CHRNA7: variants seen among roughly 807,000 people sequenced by gnomAD.
CHRNA7 encodes the protein cholinergic receptor nicotinic alpha 7 subunit.
In CHRNA7, 17 loss-of-function variants were observed where a neutral mutation model predicts 48.0. That is an observed-to-expected ratio of 0.35 (90% CI 0.24 to 0.53). CHRNA7 has a LOEUF of 0.53. CHRNA7 is among the 20% of genes least tolerant of loss of function. The pLI is 0.92. For synonymous variants in CHRNA7, 75 were observed against 242.3 expected, an observed-to-expected ratio of 0.31 and a Z score of 6.41; for missense variants, 155 against 577.7, an observed-to-expected ratio of 0.27 and a Z score of 7.50.
At chr15:32,101,703 T>C in intron 3 of CHRNA7, 1 of 211,634 alleles carries the variant, frequency 4.7e-6, no homozygotes, top group Non-Finnish European at 9.2e-6. Flanking sequence ...CCCTGCCCTC[T>C]GTGGCCTCCG....
chr15:32,031,567 T>G (rs938893388), intron 2 of CHRNA7, among the ~76,000 whole-genome samples: 3 of 152,222 alleles, frequency 2.0e-5, no homozygotes, highest in Non-Finnish European at 4.4e-5. Flanking sequence ...ATCTTAGGAA[T>G]GGGCATGCTT....
chr15:32,045,456 A>G (rs2049523595), intron 2 of CHRNA7, among the ~76,000 whole-genome samples: 1 of 152,168 alleles, frequency 6.6e-6, no homozygotes, highest in Non-Finnish European at 1.5e-5. Context: ...AGTCCCTTTA[A>G]GCGCTGGTTT....
At chr15:32,130,221 C>T (rs1304416663) in intron 4 of CHRNA7, among the ~76,000 whole-genome samples, 4 of 151,876 alleles carry the variant, frequency 2.6e-5, no homozygotes, top group East Asian at 1.9e-4. Context: ...CTTTTATATC[C>T]TTGCTGATTT....
intron 2 of CHRNA7, among the ~76,000 whole-genome samples, chr15:32,059,492 T>A (rs1595397319): frequency 6.6e-6 from 1 of 152,142 alleles, no homozygotes; most frequent in East Asian, 1.9e-4. Flanking sequence ...GTCACTGTGA[T>A]CCTTAATCAT....
At chr15:32,116,433 G>A (rs547172079) in intron 4 of CHRNA7, among the ~76,000 whole-genome samples, 7 of 152,330 alleles carry the variant, frequency 4.6e-5, no homozygotes, top group South Asian at 2.1e-4. Flanking sequence ...TGGCCAGGTC[G>A]CTCTGAGGAG....
At chr15:32,141,976 G>A (rs562085993) in intron 4 of CHRNA7, among the ~76,000 whole-genome samples, 1 of 152,210 alleles carries the variant, frequency 6.6e-6, no homozygotes, top group Admixed American at 6.5e-5. Context: ...GAGTGGTGAA[G>A]AGGGCATCCT....
intron 4 of CHRNA7, among the ~76,000 whole-genome samples, chr15:32,138,867 C>T (rs1352378480): frequency 2.0e-5 from 3 of 152,166 alleles, no homozygotes; most frequent in Non-Finnish European, 4.4e-5. Flanking sequence ...GATTCTCCCA[C>T]CTCAGCCTCC....
At chr15:32,120,396 T>G (rs2141296493) in intron 4 of CHRNA7, among the ~76,000 whole-genome samples, 1 of 152,280 alleles carries the variant, frequency 6.6e-6, no homozygotes, top group East Asian at 1.9e-4. Context: ...GTGAGTTTGT[T>G]TTCTCTGAAG....
chr15:32,128,717 T>TA (rs2051109234), intron 4 of CHRNA7, among the ~76,000 whole-genome samples: 1 of 151,858 alleles, frequency 6.6e-6, no homozygotes, highest in Non-Finnish European at 1.5e-5. Context: ...CTGAAAATAG[T>TA]AACTTTTTAA....
chr15:32,120,058 AGAT>A (rs1165632111), intron 4 of CHRNA7, among the ~76,000 whole-genome samples: 1 of 152,166 alleles, frequency 6.6e-6, no homozygotes, highest in Non-Finnish European at 1.5e-5. Context: ...CAGTGCCAGC[AGAT>A]GATAGCCAGG....
intron 2 of CHRNA7, among the ~76,000 whole-genome samples, chr15:32,031,945 G>A (rs903515325): frequency 2.0e-5 from 3 of 152,138 alleles, no homozygotes; most frequent in Admixed American, 2.0e-4. Context: ...GGGAGGGAGA[G>A]CATGATGGGA....
intron 3 of CHRNA7, 41 bp downstream of exon 3, chr15:32,101,388 A>T: frequency 6.4e-7 from 1 of 1,552,844 alleles, no homozygotes; most frequent in Non-Finnish European, 8.7e-7. Flanking sequence ...GGGCTGCAAG[A>T]TCTTGCACCC....
intron 2 of CHRNA7, among the ~76,000 whole-genome samples, chr15:32,042,855 T>A (rs2049473447): frequency 1.3e-5 from 2 of 152,220 alleles, no homozygotes; most frequent in Non-Finnish European, 2.9e-5. Context: ...AGGAACTGGA[T>A]CTAATAATGT....
chr15:32,107,731 G>A (rs2050694307), intron 3 of CHRNA7, among the ~76,000 whole-genome samples: 1 of 152,200 alleles, frequency 6.6e-6, no homozygotes, highest in Non-Finnish European at 1.5e-5. Flanking sequence ...GCAAGTGGAT[G>A]TGCTGACCAA....
chr15:32,055,460 G>A (rs555558616), intron 2 of CHRNA7, among the ~76,000 whole-genome samples: 2 of 152,274 alleles, frequency 1.3e-5, no homozygotes, highest in East Asian at 1.9e-4. Context: ...ACAACGTGGT[G>A]GAAGGCATCA....
At chr15:32,075,386 G>T (rs921616671) in intron 2 of CHRNA7, among the ~76,000 whole-genome samples, 3 of 152,046 alleles carry the variant, frequency 2.0e-5, no homozygotes, top group Non-Finnish European at 4.4e-5. Context: ...TAATGTTATA[G>T]GACTTTTAAA....
chr15:32,088,929 A>C (rs960625916), intron 2 of CHRNA7, among the ~76,000 whole-genome samples: 2 of 152,166 alleles, frequency 1.3e-5, no homozygotes, highest in African/African-American at 4.8e-5. Context: ...ATAAAGTCCA[A>C]CTTACTAATT....
chr15:32,088,657 A>G (rs2050336520), intron 2 of CHRNA7, among the ~76,000 whole-genome samples: 1 of 152,124 alleles, frequency 6.6e-6, no homozygotes, highest in Admixed American at 6.5e-5. Flanking sequence ...CATTGTTATA[A>G]TTTACATGTC....
At position 32,082,443 on chromosome 15, in the gene CHRNA7, C is replaced by G. The variant is rs372674956; in HGVS notation, c.196-18860C>G. On this transcript the variant is annotated intron_variant, in intron 2 of 9. Coordinates refer to ENST00000306901, the MANE Select transcript of CHRNA7 (RefSeq NM_000746.6). ...CTATCTTTGTGTTCACAATCTCCAC[C>G]TGTAATTCTTAGTAAAGCAGGTTAT... Among the ~76,000 whole-genome samples the G allele has an allele frequency of 3.2e-4, 48 of 151,982 alleles. No homozygotes were observed. The East Asian group carries it at 9.1e-3, about 29-fold the overall frequency.
Sources: gnomAD v4.1 joint callset for allele counts (sites outside exome capture counted in the v4.1 genomes callset) on GRCh38, gnomAD v4.1.1 for gene constraint, MANE v1.5 for transcripts, NCBI Gene and HGNC (gene_info 2026-07-23, HGNC 2026-07-21) for gene names.